Variants in CCDC102B observed in about 807,000 individuals in gnomAD.
The protein encoded by CCDC102B is coiled-coil domain-containing protein 102B.
CCDC102B carries 75 observed loss-of-function variants against 57.4 expected under a neutral mutation model. That is an observed-to-expected ratio of 1.31 (90% CI 1.08 to 1.58). CCDC102B has a LOEUF of 1.58. Among genes scored for constraint, CCDC102B ranks in the 40% most tolerant of loss-of-function variants. CCDC102B has a pLI of 0.00. For missense variants in CCDC102B, 636 were observed against 582.6 expected (o/e 1.09, Z -0.94); for synonymous variants, 206 against 201.9 (o/e 1.02, Z -0.17).
At chr18:69,045,304 TACAA>T (rs1384937468) in intron 7 of CCDC102B, among the ~76,000 whole-genome samples, 19 of 152,182 alleles carry the variant, frequency 1.2e-4, no homozygotes, top group East Asian at 3.9e-4. Flanking sequence ...ATAAAATGAA[TACAA>T]ACAAACTTTT....
At chr18:68,998,988 A>G (rs1241055771) in intron 6 of CCDC102B, among the ~76,000 whole-genome samples, 12 of 64,980 alleles carry the variant, frequency 1.8e-4, no homozygotes, top group African/African-American at 5.4e-4. Context: ...ATATATATAT[A>G]TATATATATA....
At chr18:68,911,337 G>T (rs74336840) in intron 6 of CCDC102B, among the ~76,000 whole-genome samples, 1 of 152,138 alleles carries the variant, frequency 6.6e-6, no homozygotes. Flanking sequence ...CGCAGGAACA[G>T]AAAACCAAAT....
intron 7 of CCDC102B, among the ~76,000 whole-genome samples, chr18:69,052,031 G>A (rs1296853144): frequency 7.2e-6 from 1 of 139,640 alleles, no homozygotes; most frequent in African/African-American, 2.5e-5. Context: ...AAATAACTAT[G>A]ATTAAACCAA....
At chr18:69,048,966 T>C (rs73457730) in intron 7 of CCDC102B, among the ~76,000 whole-genome samples, 3,085 of 152,198 alleles carry the variant, frequency 0.02, 100 homozygotes, top group African/African-American at 0.069. Flanking sequence ...ATTGTAAATA[T>C]TAGGTAAAAA....
chr18:68,972,296 TC>T (rs1453149464), intron 6 of CCDC102B, among the ~76,000 whole-genome samples: 2 of 152,144 alleles, frequency 1.3e-5, no homozygotes, highest in Non-Finnish European at 2.9e-5. Flanking sequence ...GCATGTGCAG[TC>T]CCTGCCCTTT....
At chr18:68,746,269 T>A (rs1465259770) in intron 2 of CCDC102B, among the ~76,000 whole-genome samples, 1 of 152,186 alleles carries the variant, frequency 6.6e-6, no homozygotes, top group Non-Finnish European at 1.5e-5. Context: ...CTTTAACTAT[T>A]TCTGAATGCT....
intron 4 of CCDC102B, among the ~76,000 whole-genome samples, chr18:68,867,643 A>T (rs2039053432): frequency 6.6e-6 from 1 of 152,116 alleles, no homozygotes; most frequent in African/African-American, 2.4e-5. Flanking sequence ...GGAGATAAAG[A>T]GGGCTAGCTG....
chr18:68,909,056 A>G (rs1413478095), intron 6 of CCDC102B, among the ~76,000 whole-genome samples: 1 of 151,766 alleles, frequency 6.6e-6, no homozygotes, highest in African/African-American at 2.4e-5. Flanking sequence ...TGTTTACTCC[A>G]TCTATGTGAT....
chr18:68,841,732 T>C (rs549891762), intron 3 of CCDC102B, among the ~76,000 whole-genome samples: 4 of 152,186 alleles, frequency 2.6e-5, no homozygotes, highest in East Asian at 1.9e-4. Flanking sequence ...TTTTATCTTT[T>C]TTTTCTTTTC....
intron 6 of CCDC102B, among the ~76,000 whole-genome samples, chr18:68,962,318 A>T (rs1003329320): frequency 4.6e-5 from 7 of 152,038 alleles, no homozygotes; most frequent in Non-Finnish European, 8.8e-5. Context: ...TCTCACTTCA[A>T]CCATTTATCT....
chr18:68,972,232 C>T (rs17080003), intron 6 of CCDC102B, among the ~76,000 whole-genome samples: 2,732 of 152,174 alleles, frequency 0.018, 86 homozygotes, highest in African/African-American at 0.063. Flanking sequence ...TTTCTTCGAC[C>T]ATGAAAAAAG....
intron 6 of CCDC102B, among the ~76,000 whole-genome samples, chr18:68,900,431 C>A (rs2040407042): frequency 6.6e-6 from 1 of 151,990 alleles, no homozygotes; most frequent in Non-Finnish European, 1.5e-5. Flanking sequence ...TCCACCTGTC[C>A]TTATTGGACT....
At chr18:68,747,708 T>C (rs1469234978) in intron 2 of CCDC102B, among the ~76,000 whole-genome samples, 1 of 152,158 alleles carries the variant, frequency 6.6e-6, no homozygotes, top group Non-Finnish European at 1.5e-5. Flanking sequence ...CTTCTTCTTT[T>C]CAAAGCTGAA....
chr18:68,852,955 C>A (rs923428894), intron 4 of CCDC102B, among the ~76,000 whole-genome samples: 2 of 152,162 alleles, frequency 1.3e-5, no homozygotes, highest in Non-Finnish European at 2.9e-5. Context: ...GAAGTCCTAG[C>A]AGGATGTAAA....
At chr18:68,754,642 AAAAGG>A (rs2033981065) in intron 2 of CCDC102B, 1 of 152,192 alleles carries the variant, frequency 6.6e-6, no homozygotes, top group African/African-American at 2.4e-5. Context: ...AAAACAAAAG[AAAAGG>A]AAAGAAAAAA....
At position 68,733,508 on chromosome 18, in the gene CCDC102B, T is replaced by TATATATATATATATA. The variant is rs1568222920; in HGVS notation, c.-67+16914_-67+16915insATATATATATATATA. ...TATATATATATATATATATATATAT[T>TATATATATATATATA]TTTTTAACTTAAGCATGCTTTAAGA... On this transcript the variant is annotated intron_variant, in intron 2 of 3. Coordinates refer to the CCDC102B transcript ENST00000578970. Among the ~76,000 whole-genome samples, 850 of 90,332 alleles carry TATATATATATATATA rather than the reference T, an allele frequency of 9.4e-3. 24 individuals are homozygous for TATATATATATATATA. The highest frequency in any genetic ancestry group is 0.027 in the Middle Eastern group (4 of 146). 59.3% of individuals were successfully genotyped at this position (90,332 alleles called of 152,430 possible). A position where few individuals can be genotyped will look rare whatever the true frequency, so the allele number is the denominator to read the frequency against.
At chr18:68,773,797 G>T (rs1372096779) in intron 2 of CCDC102B, among the ~76,000 whole-genome samples, 1 of 151,644 alleles carries the variant, frequency 6.6e-6, no homozygotes, top group African/African-American at 2.4e-5. Flanking sequence ...TATTTGGGTG[G>T]CAAAACACCC....
chr18:68,918,171 T>A (rs1000295793), intron 6 of CCDC102B, among the ~76,000 whole-genome samples: 1 of 152,162 alleles, frequency 6.6e-6, no homozygotes, highest in African/African-American at 2.4e-5. Flanking sequence ...TCAGAAGGTG[T>A]TAAACCTAAA....
intron 4 of CCDC102B, among the ~76,000 whole-genome samples, chr18:68,848,113 C>T (rs1024094813): frequency 1.3e-5 from 2 of 151,598 alleles, no homozygotes; most frequent in African/African-American, 2.4e-5. Context: ...TTAATCATTT[C>T]TTATAATGGG....
Sources: gnomAD v4.1 joint callset for allele counts (sites outside exome capture counted in the v4.1 genomes callset) on GRCh38, gnomAD v4.1.1 for gene constraint, MANE v1.5 for transcripts, NCBI Gene and HGNC (gene_info 2026-07-23, HGNC 2026-07-21) for gene names.